The following SLC6A2 variants were observed in gnomAD, a reference collection of about 807,000 sequenced individuals.
SLC6A2 encodes sodium-dependent noradrenaline transporter.
A neutral mutation model predicts 71.7 loss-of-function variants in SLC6A2; 26 were observed. The observed-to-expected ratio is 0.36, with a 90% CI of 0.27 to 0.50. The LOEUF (loss-of-function observed/expected upper bound fraction) is 0.50. SLC6A2 is among the 20% of genes least tolerant of loss of function. The pLI is 0.96. For missense variants in SLC6A2, 581 were observed against 803.9 expected, an observed-to-expected ratio of 0.72 and a Z score of 3.35; for synonymous variants, 363 against 337.9, an observed-to-expected ratio of 1.07 and a Z score of -0.82.
Position 55,704,115 on chromosome 16 carries a change from A to G in SLC6A2, c.*1769A>G, listed in dbSNP as rs1966051043. The G allele has an allele frequency of 6.6e-6, 1 of 152,214 alleles. No homozygotes were observed. The highest frequency in any genetic ancestry group is 2.4e-5 in the African/African-American group (1 of 41,462). The allele number at this position is 152,214 out of a possible 1,614,324, so 9.4% of individuals were successfully genotyped here. On this transcript the variant is annotated 3_prime_UTR_variant, in exon 15 of 15. Transcript: ENST00000568943. ...CATTAGTGACTTTATATCCTCCCAT[A>G]AAAGGTAACTTCTTCCTAGGTGTTA...
At chr16:55,669,956 T>C (rs1964858687) in intron 3 of SLC6A2, among the ~76,000 whole-genome samples, 1 of 152,164 alleles carries the variant, frequency 6.6e-6, no homozygotes, top group African/African-American at 2.4e-5. Context: ...CTATTTCCTG[T>C]ATGGGAAATT....
intron 2 of SLC6A2, among the ~76,000 whole-genome samples, chr16:55,662,987 A>G (rs778189787): frequency 4.6e-5 from 7 of 152,204 alleles, no homozygotes; most frequent in Non-Finnish European, 1.0e-4. Context: ...ACCTGGAGAT[A>G]GCATCAGATC....
chr16:55,679,928 G>A (rs1479424232), intron 4 of SLC6A2, among the ~76,000 whole-genome samples: 3 of 152,150 alleles, frequency 2.0e-5, no homozygotes, highest in Admixed American at 1.3e-4. Context: ...TGGGGGACAG[G>A]GGTGCACACT....
intron 4 of SLC6A2, among the ~76,000 whole-genome samples, chr16:55,679,599 A>G (rs1237124961): frequency 2.0e-5 from 3 of 152,210 alleles, no homozygotes; most frequent in Non-Finnish European, 4.4e-5. Context: ...CTCTTAGGAC[A>G]TAGCAGAGGG....
chr16:55,703,357 C>T lies in SLC6A2; in HGVS notation c.*1011C>T. On this transcript the variant is annotated 3_prime_UTR_variant, in exon 15 of 15. Coordinates refer to ENST00000568943, the MANE Select transcript of SLC6A2 (RefSeq NM_001172501.3). ...TTGTTCTTGCACACCTGCACAGCCTCCCTCTGGGGATCCCACCTGGAGTGG... is the reference window on the plus strand; with the variant it reads ...TTGTTCTTGCACACCTGCACAGCCTTCCTCTGGGGATCCCACCTGGAGTGG... The T allele has an allele frequency of 1.0e-6, 1 of 985,482 alleles. No homozygotes were observed. 61.0% of individuals were successfully genotyped at this position (985,482 alleles called of 1,614,324 possible).
intron 7 of SLC6A2, 21 bp downstream of exon 7, chr16:55,694,134 C>T (rs778552916): frequency 4.8e-6 from 7 of 1,443,876 alleles, no homozygotes; most frequent in Non-Finnish European, 5.9e-6. Context: ...TCTCAGAATT[C>T]TGAGAAGCTC....
chr16:55,690,878 C>G (rs1965596804), intron 5 of SLC6A2, among the ~76,000 whole-genome samples: 1 of 152,116 alleles, frequency 6.6e-6, no homozygotes, highest in Non-Finnish European at 1.5e-5. Flanking sequence ...CACCCCCATC[C>G]CTGTCTCTAC....
chr16:55,674,992 C>T (rs1264257475), intron 4 of SLC6A2, among the ~76,000 whole-genome samples: 1 of 152,186 alleles, frequency 6.6e-6, no homozygotes, highest in Non-Finnish European at 1.5e-5. Context: ...ATTCCCTTTT[C>T]TCGGCAGCCT....
At chr16:55,665,663 CTCACTGA>C (rs1964729467) in intron 2 of SLC6A2, among the ~76,000 whole-genome samples, 1 of 152,078 alleles carries the variant, frequency 6.6e-6, no homozygotes, top group Non-Finnish European at 1.5e-5. Context: ...CACTGCACCC[CTCACTGA>C]ACCCTTCCTC....
intron 9 of SLC6A2, among the ~76,000 whole-genome samples, chr16:55,697,290 G>A (rs1190774595): frequency 6.6e-6 from 1 of 152,216 alleles, no homozygotes; most frequent in Non-Finnish European, 1.5e-5. Flanking sequence ...TGTCTGCCAA[G>A]AGGAGGGGAG....
At chr16:55,698,792 CT>C (rs1965880073) in intron 11 of SLC6A2, among the ~76,000 whole-genome samples, 1 of 152,166 alleles carries the variant, frequency 6.6e-6, no homozygotes. Flanking sequence ...AAGAGGAACC[CT>C]TAGGAAAATG....
intron 13 of SLC6A2, 66 bp downstream of exon 13, chr16:55,700,372 T>C: frequency 7.2e-7 from 1 of 1,393,944 alleles, no homozygotes; most frequent in African/African-American, 1.5e-5. Context: ...GGGACGACTC[T>C]CATTCCTGTT....
rs889906568 is a variant in SLC6A2, at chr16:55,695,750, T to A, written c.1147+348T>A. On this transcript the variant is annotated intron_variant, in intron 8 of 14. Transcript: ENST00000568943. ...AGACTCACTTTACGAATGGGAAGAC[T>A]GAGATGCAAGCTAAATACATTGTCT... Among the ~76,000 whole-genome samples, 4 of 152,296 alleles carry A rather than the reference T, an allele frequency of 2.6e-5. No homozygotes were observed. The South Asian group carries it at 8.3e-4, about 32-fold the overall frequency.
chr16:55,685,167 G>C lies in SLC6A2; in HGVS notation c.669G>C (p.Glu223Asp), dbSNP rs370103306. Residue 223 changes from glutamate (E) to aspartate (D), a missense_variant, in exon 5 of 15, where the codon GAG (glutamate) becomes GAC (aspartate). Physicochemically the swap from Glu to Asp is conservative, Grantham distance 45 (BLOSUM62 2). Coordinates refer to ENST00000568943, the MANE Select transcript of SLC6A2 (RefSeq NM_001172501.3). ...FYERGVLHLH[E>D]SSGIHDIGLP... The stretch of plus-strand genomic sequence containing the variant: ...GGCGTGGTGTCCTGCACCTTCACGA[G>C]AGCAGCGGGATTCATGACATCGGCC... 16 of 1,614,074 alleles carry C rather than the reference G, an allele frequency of 9.9e-6. No homozygotes were observed. Among genetic ancestry groups the C allele is most frequent in the Non-Finnish European group, 1.4e-5 (16 of 1,180,044 alleles).
chr16:55,682,608 T>A (rs1185162717), intron 4 of SLC6A2, among the ~76,000 whole-genome samples: 1 of 152,238 alleles, frequency 6.6e-6, no homozygotes, highest in South Asian at 2.1e-4. Flanking sequence ...CTCCTCATCC[T>A]GGGAGACCCT....
intron 4 of SLC6A2, among the ~76,000 whole-genome samples, chr16:55,676,390 A>G (rs773758486): frequency 1.3e-5 from 2 of 152,196 alleles, no homozygotes; most frequent in Admixed American, 1.3e-4. Context: ...TCTTATCCTC[A>G]TCACACTCTT....
At chr16:55,689,897 GC>G (rs769169995) in intron 5 of SLC6A2, among the ~76,000 whole-genome samples, 41 of 152,210 alleles carry the variant, frequency 2.7e-4, no homozygotes, top group Non-Finnish European at 8.8e-5. Context: ...AACAGAGGAG[GC>G]TTTCCTGATT....
In SLC6A2 at chr16:55,656,511, G is replaced by A; in HGVS notation, c.-51-133G>A. The A allele has an allele frequency of 1.4e-6, 1 of 711,604 alleles. No individual in the cohort carries two copies. The highest frequency in any genetic ancestry group is 2.4e-6 in the Non-Finnish European group (1 of 421,436). 44.1% of individuals were successfully genotyped at this position (711,604 alleles called of 1,614,324 possible). On this transcript the variant is annotated intron_variant, in intron 1 of 14. Coordinates refer to ENST00000568943, the MANE Select transcript of SLC6A2 (RefSeq NM_001172501.3). The surrounding 1 kb of genome is among the most constrained non-coding windows in gnomAD (Gnocchi z 4.5). ...TTCCAAATTTTTCCAGCGGACGCGC[G>A]CCCTTTTCTGGGAACCCTGCGTCCG...
chr16:55,698,370 G>A (rs749441837), intron 10 of SLC6A2, 99 bp from the exon 11 acceptor site: 27 of 872,894 alleles, frequency 3.1e-5, no homozygotes, highest in Non-Finnish European at 4.9e-5. Context: ...AGAGCTCCGA[G>A]CAAGTGGGAC....
Sources: allele counts gnomAD v4.1 joint callset (sites outside exome capture counted in the v4.1 genomes callset), GRCh38; gene constraint gnomAD v4.1.1; non-coding constraint Gnocchi (gnomAD v3.1); transcripts MANE v1.5; gene names NCBI Gene and HGNC (gene_info 2026-07-23, HGNC 2026-07-21).